Variants in CCDC192 observed in about 807,000 individuals in gnomAD.
CCDC192 encodes coiled-coil domain-containing protein 192.
At chr5:127,912,930 C>T (rs1753416566) in intron 6 of CCDC192, among the ~76,000 whole-genome samples, 1 of 152,206 alleles carries the variant, frequency 6.6e-6, no homozygotes, top group Non-Finnish European at 1.5e-5. Context: ...GTGTGTTCTG[C>T]ACTGGCCCTG....
intron 6 of CCDC192, among the ~76,000 whole-genome samples, chr5:127,926,436 C>T (rs1753863272): frequency 6.6e-6 from 1 of 152,004 alleles, no homozygotes; most frequent in Non-Finnish European, 1.5e-5. Context: ...AAACTAGTAC[C>T]CCATAGAGAT....
chr5:127,788,113 T>G (rs1427209033), intron 3 of CCDC192, among the ~76,000 whole-genome samples: 1 of 149,284 alleles, frequency 6.7e-6, no homozygotes, highest in African/African-American at 2.5e-5. Flanking sequence ...AGGGGGGGAC[T>G]ATTGAAGTCT....
At chr5:127,779,605 T>C (rs1397803341) in intron 3 of CCDC192, among the ~76,000 whole-genome samples, 2 of 152,244 alleles carry the variant, frequency 1.3e-5, no homozygotes, top group Non-Finnish European at 2.9e-5. Context: ...TGGATCTATG[T>C]AAAATTACAT....
chr5:127,853,230 C>G lies in CCDC192; in HGVS notation c.412-22308C>G, dbSNP rs540693951. 2.6e-5 allele frequency among the ~76,000 whole-genome samples: 4 copies of G among 152,326 alleles called. No individual in the cohort carries two copies. The South Asian group carries it at 8.3e-4, about 32-fold the overall frequency. On this transcript the variant is annotated intron_variant, in intron 5 of 6. Coordinates refer to ENST00000514853, the MANE Select transcript of CCDC192 (RefSeq NM_001317938.2). ...CTGGACTACCACCTCATTCCAGGGA[C>G]TATCTATGCCCCATATGCTACCCAG...
At chr5:127,705,756 G>A (rs1676691570) in intron 1 of CCDC192, among the ~76,000 whole-genome samples, 1 of 152,084 alleles carries the variant, frequency 6.6e-6, no homozygotes, top group East Asian at 1.9e-4. Flanking sequence ...AAACAACTAA[G>A]AAGAGGATAA....
chr5:127,814,830 C>T (rs1748919433), intron 5 of CCDC192, among the ~76,000 whole-genome samples: 1 of 152,204 alleles, frequency 6.6e-6, no homozygotes. Flanking sequence ...CACTGTTCTC[C>T]CATTCATGTC....
intron 6 of CCDC192, chr5:127,940,295 G>C (rs949104682): frequency 1.3e-5 from 2 of 152,160 alleles, no homozygotes; most frequent in Non-Finnish European, 2.9e-5. Flanking sequence ...TAAAAGAAAT[G>C]AATCTGTATG....
At chr5:127,772,110 A>T (rs576445081) in intron 3 of CCDC192, among the ~76,000 whole-genome samples, 2 of 152,238 alleles carry the variant, frequency 1.3e-5, no homozygotes, top group Middle Eastern at 6.8e-3. Context: ...ATCATCTTAT[A>T]TAACAATATG....
intron 6 of CCDC192, among the ~76,000 whole-genome samples, chr5:127,889,407 C>CTTTCT (rs1561540937): frequency 2.3e-5 from 3 of 128,862 alleles, no homozygotes; most frequent in African/African-American, 8.7e-5. Context: ...TTCTTTCTTT[C>CTTTCT]TTTTTTTTTT....
At chr5:127,904,342 T>C (rs1267440864) in intron 6 of CCDC192, among the ~76,000 whole-genome samples, 4 of 152,222 alleles carry the variant, frequency 2.6e-5, no homozygotes, top group Non-Finnish European at 5.9e-5. Context: ...TTGTTTAAGC[T>C]GCTGTTTGTG....
rs189719127 is a variant in CCDC192 at position 127,718,539 on chromosome 5, T to A, written c.114+10779T>A. On this transcript the variant is annotated intron_variant, in intron 2 of 6. Transcript: ENST00000514853. The stretch of plus-strand genomic sequence containing the variant: ...TATTCTCTATGAGGGTGTTGAGGAG[T>A]TTGTATGTATAGAAGGAAGGGAATT... Among the ~76,000 whole-genome samples the A allele has an allele frequency of 1.5e-3, 234 of 152,248 alleles. 2 individuals carry two copies. In the South Asian group the frequency reaches 0.024, roughly 16 times the overall value.
intron 3 of CCDC192, among the ~76,000 whole-genome samples, chr5:127,761,529 T>C (rs2126889157): frequency 6.6e-6 from 1 of 152,278 alleles, no homozygotes; most frequent in African/African-American, 2.4e-5. Flanking sequence ...TGTAGCTCTA[T>C]GTGCATGTGT....
chr5:127,776,187 T>C (rs142423300), intron 3 of CCDC192, among the ~76,000 whole-genome samples: 340 of 152,346 alleles, frequency 2.2e-3, no homozygotes, highest in African/African-American at 7.5e-3. Flanking sequence ...ACTTGTTGAA[T>C]GGCTTTGACA....
chr5:127,812,511 A>G (rs1758134105), intron 5 of CCDC192, among the ~76,000 whole-genome samples: 1 of 152,198 alleles, frequency 6.6e-6, no homozygotes. Flanking sequence ...TTTGCTACAT[A>G]TGCTTTGACA....
intron 2 of CCDC192, among the ~76,000 whole-genome samples, chr5:127,719,580 T>TATATATATATATATAC (rs1275936475): frequency 7.5e-6 from 1 of 132,618 alleles, no homozygotes; most frequent in African/African-American, 3.2e-5. Flanking sequence ...TATATATATA[T>TATATATATATATATAC]ACCAAGCAGT....
intron 5 of CCDC192, among the ~76,000 whole-genome samples, chr5:127,860,089 A>G (rs1751292436): frequency 6.6e-6 from 1 of 151,898 alleles, no homozygotes. Flanking sequence ...CCTTCCTTGA[A>G]CCCCAGTCTC....
intron 2 of CCDC192, among the ~76,000 whole-genome samples, chr5:127,726,504 C>T (rs1752331390): frequency 1.3e-5 from 2 of 152,204 alleles, no homozygotes; most frequent in Non-Finnish European, 2.9e-5. Context: ...CCCAAAGAAC[C>T]TGTCTAACAA....
At chr5:127,896,917 TA>T (rs1752908004) in intron 6 of CCDC192, among the ~76,000 whole-genome samples, 1 of 152,238 alleles carries the variant, frequency 6.6e-6, no homozygotes, top group Non-Finnish European at 1.5e-5. Flanking sequence ...CTACAGACTC[TA>T]CTGACTTTAT....
chr5:127,784,607 T>TG lies in CCDC192; in HGVS notation c.223-12494dup, dbSNP rs144740863. On this transcript the variant is annotated intron_variant, in intron 3 of 6. Transcript: ENST00000514853. ...GTGGGACACACAGTCAGACCCTTCC[T>TG]GGAGGGTTAAGCCAAGTAACTGTAG... is the stretch of plus-strand genomic sequence containing the variant. The TG allele has an allele frequency of 1.3e-4, 77 of 613,082 alleles. No individual in the cohort carries two copies. In the African/African-American group the frequency reaches 1.4e-3, roughly 11 times the overall value. 38.0% of individuals were successfully genotyped at this position (613,082 alleles called of 1,614,324 possible).
Sources: allele counts gnomAD v4.1 joint callset (sites outside exome capture counted in the v4.1 genomes callset), GRCh38; gene constraint gnomAD v4.1.1; transcripts MANE v1.5; gene names NCBI Gene and HGNC (gene_info 2026-07-23, HGNC 2026-07-21).